CDH26: variants seen among roughly 807,000 people sequenced by gnomAD.
CDH26 encodes cadherin-like protein 26.
Under a neutral mutation model 90.3 loss-of-function variants are expected in CDH26, and 83 were observed. The ratio of observed to expected loss-of-function variants is 0.92; its 90% CI spans 0.77 to 1.10. The LOEUF is 1.10. Among genes scored for constraint, CDH26 ranks in the 50% least tolerant of loss-of-function variants. The probability of loss-of-function intolerance (pLI) is 0.00; values close to 1 mark genes in which losing one functional copy is unlikely to be tolerated. For synonymous variants in CDH26, 397 were observed against 396.3 expected (o/e 1.00, Z -0.02); for missense variants, 1,013 against 1,037.6 (o/e 0.98, Z 0.33).
intron 7 of CDH26, chr20:59,986,315 A>T (rs1187478073): frequency 6.6e-6 from 1 of 152,214 alleles, no homozygotes; most frequent in East Asian, 1.9e-4. Flanking sequence ...CCTTTAAGAA[A>T]GCATTGAAAA....
At position 59,987,477 on chromosome 20, in the gene CDH26, C is replaced by G. The variant is rs776725958; in HGVS notation, c.862C>G (p.Arg288Gly). ...ENYKVQIPEGRASQGVLRLLV... is the reference protein window; with the variant it reads ...ENYKVQIPEGGASQGVLRLLV... ...GTATAAGGTTCAGATTCCTGAAGGCCGAGCCAGCCAGGGCGTGTTGCGTCT... is the reference window on the plus strand; with the variant it reads ...GTATAAGGTTCAGATTCCTGAAGGCGGAGCCAGCCAGGGCGTGTTGCGTCT... Residue 288 changes from arginine to glycine, a missense_variant, in exon 8 of 18, where the codon CGA (arginine) becomes GGA (glycine). Transcript: ENST00000348616. The G allele has an allele frequency of 3.1e-6, 5 of 1,611,878 alleles. No homozygotes were observed. The highest frequency in any genetic ancestry group is 4.2e-6 in the Non-Finnish European group (5 of 1,179,128).
At chr20:59,990,805 C>T (rs1201436339) in intron 9 of CDH26, among the ~76,000 whole-genome samples, 1 of 152,032 alleles carries the variant, frequency 6.6e-6, no homozygotes, top group Non-Finnish European at 1.5e-5. Flanking sequence ...TAGTGTGTAT[C>T]AGTCTCTGGG....
chr20:59,965,060 G>A (rs1314144184), intron 1 of CDH26, among the ~76,000 whole-genome samples: 1 of 152,142 alleles, frequency 6.6e-6, no homozygotes, highest in Non-Finnish European at 1.5e-5. Context: ...CATTAATCAA[G>A]AAGCATCCAT....
At chr20:59,967,858 T>C (rs537549951) in intron 1 of CDH26, among the ~76,000 whole-genome samples, 43 of 114,934 alleles carry the variant, frequency 3.7e-4, no homozygotes, top group Admixed American at 5.1e-4. Flanking sequence ...TCTTTCTTTC[T>C]TTCTTTCTTT....
At chr20:60,002,107 C>T (rs2061684581) in intron 15 of CDH26, among the ~76,000 whole-genome samples, 2 of 152,278 alleles carry the variant, frequency 1.3e-5, no homozygotes, top group South Asian at 4.1e-4. Context: ...AAGAGGTATT[C>T]AGGGTCTAAA....
intron 7 of CDH26, 80 bp from the exon 8 acceptor site, chr20:59,987,373 C>G: frequency 8.9e-5 from 94 of 1,060,216 alleles, no homozygotes; most frequent in Non-Finnish European, 1.1e-4. Flanking sequence ...CTCTCTGCTT[C>G]TCTCCCTCCT....
intron 17 of CDH26, among the ~76,000 whole-genome samples, 174 bp downstream of exon 17, chr20:60,006,961 A>G (rs527762578): frequency 6.6e-6 from 1 of 152,266 alleles, no homozygotes; most frequent in East Asian, 1.9e-4. Flanking sequence ...ATATTGCCTC[A>G]TGTTTCTGCA....
intron 7 of CDH26, among the ~76,000 whole-genome samples, chr20:60,026,105 C>G (rs763013625): frequency 6.6e-6 from 1 of 152,116 alleles, no homozygotes; most frequent in East Asian, 1.9e-4. Flanking sequence ...GAGGTGAAGT[C>G]CCACAAAGTG....
At chr20:60,009,316 C>A (rs936316905) in intron 17 of CDH26, among the ~76,000 whole-genome samples, 1 of 152,202 alleles carries the variant, frequency 6.6e-6, no homozygotes, top group African/African-American at 2.4e-5. Flanking sequence ...AGAGTTGGGG[C>A]AGCTCTGCTA....
chr20:60,020,846 G>A (rs1019017434), intron 7 of CDH26, among the ~76,000 whole-genome samples: 1 of 152,170 alleles, frequency 6.6e-6, no homozygotes, highest in Non-Finnish European at 1.5e-5. Context: ...TGAGGACTGT[G>A]GGAGTCTTGT....
At chr20:59,970,003 A>C in intron 2 of CDH26, 79 bp from the exon 3 acceptor site, 1 of 1,537,302 alleles carries the variant, frequency 6.5e-7, no homozygotes. Context: ...GGGCCTTTAC[A>C]TGAAGTAAGG....
At chr20:59,997,993 T>G (rs1226844956) in intron 13 of CDH26, among the ~76,000 whole-genome samples, 2 of 152,248 alleles carry the variant, frequency 1.3e-5, no homozygotes, top group Non-Finnish European at 2.9e-5. Flanking sequence ...CTGTGAGCCC[T>G]TCCTGGGTGG....
rs1001330058 is a variant in CDH26 at position 59,996,745 on chromosome 20, A to G, written c.2003A>G (p.Lys668Arg). The G allele has an allele frequency of 3.7e-6, 6 of 1,614,132 alleles. No homozygotes were observed. The African/African-American group carries it at 8.0e-5, about 22-fold the overall frequency. Reference protein sequence around the residue: ...QTLVMYNAESKGTSAQTWSDV... With the variant: ...QTLVMYNAESRGTSAQTWSDV... ...CTGGTCATGTATAATGCGGAGAGCA[A>G]AGGCACTTCAGCCCAGGTAGTGGAA... The change falls in exon 13 of 18, where the codon AAA (lysine) becomes AGA (arginine). Residue 668 changes from lysine (K) to arginine (R), a missense_variant. Coordinates refer to ENST00000348616, the MANE Select transcript of CDH26 (RefSeq NM_177980.4).
At chr20:59,971,855 G>A (rs769690973) in intron 3 of CDH26, 107 bp from the exon 4 acceptor site, 1 of 822,096 alleles carries the variant, frequency 1.2e-6, no homozygotes, top group South Asian at 2.0e-5. Flanking sequence ...GCCATTGCTG[G>A]GTATAATTTC....
chr20:59,984,117 G>C (rs780346345), intron 5 of CDH26, among the ~76,000 whole-genome samples: 5 of 152,200 alleles, frequency 3.3e-5, no homozygotes, highest in Non-Finnish European at 5.9e-5. Flanking sequence ...CTCATTTGCT[G>C]ACCTGCCCCC....
chr20:59,980,382 C>G (rs1050457444), intron 4 of CDH26, among the ~76,000 whole-genome samples: 1 of 151,926 alleles, frequency 6.6e-6, no homozygotes, highest in Admixed American at 6.6e-5. Flanking sequence ...GCAACCTCCA[C>G]CTTCTGGGTG....
intron 7 of CDH26, 128 bp from the exon 8 acceptor site, chr20:59,987,325 T>C: frequency 1.3e-6 from 1 of 755,526 alleles, no homozygotes; most frequent in South Asian, 1.9e-5. Flanking sequence ...GGTGTTGTGA[T>C]GAGGAGCAAC....
At chr20:59,985,592 C>T (rs2061447448) in intron 7 of CDH26, among the ~76,000 whole-genome samples, 1 of 152,166 alleles carries the variant, frequency 6.6e-6, no homozygotes, top group Admixed American at 6.5e-5. Flanking sequence ...CACTTCCCAC[C>T]AGGCCCCACC....
At chr20:59,960,182 C>A (rs989399832) in intron 1 of CDH26, among the ~76,000 whole-genome samples, 10 of 152,114 alleles carry the variant, frequency 6.6e-5, no homozygotes, top group African/African-American at 2.4e-4. Flanking sequence ...GGTTTTGCCC[C>A]CAAAGGTTCA....
Sources: allele counts gnomAD v4.1 joint callset (sites outside exome capture counted in the v4.1 genomes callset), GRCh38; gene constraint gnomAD v4.1.1; transcripts MANE v1.5; gene names NCBI Gene and HGNC (gene_info 2026-07-23, HGNC 2026-07-21).